The following PARD3B variants were observed in gnomAD, a reference collection of about 807,000 sequenced individuals.
PARD3B encodes partitioning defective 3 homolog B.
In PARD3B, 103 loss-of-function variants were observed where a neutral mutation model predicts 130.2. That is an observed-to-expected ratio of 0.79 (90% confidence interval 0.67 to 0.93). PARD3B has a LOEUF of 0.93. Among genes scored for constraint, PARD3B ranks in the 40% least tolerant of loss-of-function variants. The pLI, the probability that PARD3B is intolerant of heterozygous loss-of-function variation, is 0.00. For missense variants in PARD3B, 1,609 were observed against 1,499.2 expected, an observed-to-expected ratio of 1.07 and a Z score of -1.21; for synonymous variants, 583 against 553.2, an observed-to-expected ratio of 1.05 and a Z score of -0.76.
chr2:204,893,774 C>A (rs2046536824), intron 2 of PARD3B, among the ~76,000 whole-genome samples: 1 of 152,074 alleles, frequency 6.6e-6, no homozygotes, highest in Non-Finnish European at 1.5e-5. Context: ...GTTCAACAGC[C>A]ACATGTGGCT....
At chr2:204,884,926 C>G (rs1328671702) in intron 2 of PARD3B, among the ~76,000 whole-genome samples, 2 of 152,134 alleles carry the variant, frequency 1.3e-5, no homozygotes, top group Non-Finnish European at 1.5e-5. Context: ...TTGAATGGTG[C>G]TGCAATAAGC....
chr2:204,999,921 A>G (rs1475700735), intron 3 of PARD3B, among the ~76,000 whole-genome samples: 2 of 152,030 alleles, frequency 1.3e-5, no homozygotes, highest in Non-Finnish European at 2.9e-5. Context: ...AAAATGATCT[A>G]TTTACTTATA....
At chr2:205,202,884 A>T (rs775336186) in intron 15 of PARD3B, among the ~76,000 whole-genome samples, 9 of 152,198 alleles carry the variant, frequency 5.9e-5, no homozygotes, top group Non-Finnish European at 1.0e-4. Context: ...AACAGTCAAT[A>T]TAAGTAAATT....
intron 15 of PARD3B, among the ~76,000 whole-genome samples, chr2:205,217,085 C>G (rs2125861575): frequency 6.6e-6 from 1 of 152,242 alleles, no homozygotes; most frequent in South Asian, 2.1e-4. Context: ...TTCAGGAAAT[C>G]CAGTATCAGC....
intron 7 of PARD3B, among the ~76,000 whole-genome samples, chr2:205,119,630 A>G (rs2125615250): frequency 6.6e-6 from 1 of 152,126 alleles, no homozygotes; most frequent in Non-Finnish European, 1.5e-5. Flanking sequence ...GGTACGAGAA[A>G]AATTAGCCAG....
chr2:204,688,017 A>G (rs2037171206), intron 2 of PARD3B, among the ~76,000 whole-genome samples: 1 of 152,296 alleles, frequency 6.6e-6, no homozygotes, highest in East Asian at 1.9e-4. Flanking sequence ...GTTTATAACC[A>G]TAATCCACTT....
In PARD3B at chr2:204,712,616, AAAAAAAAAAAC is replaced by A. The variant is rs1371259969; in HGVS notation, c.222+26345_222+26355del. On this transcript the variant is annotated intron_variant, in intron 2 of 22. Coordinates refer to ENST00000406610, the MANE Select transcript of PARD3B (RefSeq NM_001302769.2). ...GTGACAGAGCAAGACCCCATCTCAA[AAAAAAAAAAAC>A]AAAAAAAAAAGTGAACAACAAAAAA... Among the ~76,000 whole-genome samples the A allele has an allele frequency of 3.3e-5, 5 of 150,306 alleles. No homozygotes were observed. In the South Asian group the frequency reaches 1.0e-3, roughly 31 times the overall value.
chr2:204,781,445 G>A lies in PARD3B; in HGVS notation c.222+95163G>A, dbSNP rs918927173. ...ATCATTTTGTCTTTATACTGCATAA[G>A]CTTAATTCATAAAGCTAGTCTGTTT... On this transcript the variant is annotated intron_variant, in intron 2 of 22. Coordinates refer to ENST00000406610, the MANE Select transcript of PARD3B (RefSeq NM_001302769.2). Among the ~76,000 whole-genome samples, 3 of 151,998 alleles carry A rather than the reference G, an allele frequency of 2.0e-5. No homozygotes were observed. In the East Asian group the frequency reaches 5.8e-4, roughly 29 times the overall value.
At chr2:204,766,555 A>T (rs939257095) in intron 2 of PARD3B, among the ~76,000 whole-genome samples, 2 of 152,092 alleles carry the variant, frequency 1.3e-5, no homozygotes, top group Non-Finnish European at 2.9e-5. Context: ...GCTATACCTT[A>T]TTTCATATTA....
intron 1 of PARD3B, among the ~76,000 whole-genome samples, chr2:204,684,515 A>AG (rs2036987141): frequency 6.6e-6 from 1 of 152,206 alleles, no homozygotes; most frequent in South Asian, 2.1e-4. Context: ...CATAACAAAA[A>AG]AGATTTAATT....
At chr2:205,247,254 A>T (rs943864863) in intron 16 of PARD3B, among the ~76,000 whole-genome samples, 6 of 152,180 alleles carry the variant, frequency 3.9e-5, no homozygotes, top group African/African-American at 1.4e-4. Flanking sequence ...TTCCAAGCAC[A>T]CTACTATTAG....
At chr2:204,638,568 G>A (rs2034966495) in intron 1 of PARD3B, among the ~76,000 whole-genome samples, 1 of 152,054 alleles carries the variant, frequency 6.6e-6, no homozygotes, top group Admixed American at 6.6e-5. Context: ...TCAGTCATTC[G>A]AGACTATAGT....
At chr2:204,563,453 A>G (rs534164063) in intron 1 of PARD3B, among the ~76,000 whole-genome samples, 316 of 152,244 alleles carry the variant, frequency 2.1e-3, no homozygotes, top group African/African-American at 7.3e-3. Context: ...TCAACCCATA[A>G]TAATGGCAAT....
chr2:205,154,509 C>G (rs1301858553), intron 10 of PARD3B, among the ~76,000 whole-genome samples: 1 of 152,128 alleles, frequency 6.6e-6, no homozygotes, highest in Non-Finnish European at 1.5e-5. Flanking sequence ...GGATCTAGAA[C>G]TAGAAATACT....
At chr2:205,256,951 G>C (rs1180639829) in intron 16 of PARD3B, among the ~76,000 whole-genome samples, 2 of 152,116 alleles carry the variant, frequency 1.3e-5, no homozygotes, top group Non-Finnish European at 2.9e-5. Flanking sequence ...ATCATAATTA[G>C]GGAATATTAA....
At chr2:205,271,330 T>C (rs1190584938) in intron 16 of PARD3B, among the ~76,000 whole-genome samples, 1 of 152,230 alleles carries the variant, frequency 6.6e-6, no homozygotes. Flanking sequence ...CACAGTGTCA[T>C]GCATTTGCTA....
At chr2:205,348,308 A>G (rs1272529823) in intron 18 of PARD3B, 2 of 152,244 alleles carry the variant, frequency 1.3e-5, no homozygotes, top group South Asian at 2.1e-4. Context: ...CTGAACAACA[A>G]TTAGAGATGA....
At chr2:204,773,519 A>G (rs981631350) in intron 2 of PARD3B, among the ~76,000 whole-genome samples, 23 of 152,146 alleles carry the variant, frequency 1.5e-4, no homozygotes, top group Admixed American at 1.4e-3. Flanking sequence ...CACATCTTTT[A>G]CAAAACTCAA....
chr2:204,705,057 C>T (rs1414254398), intron 2 of PARD3B, among the ~76,000 whole-genome samples: 2 of 152,152 alleles, frequency 1.3e-5, no homozygotes, highest in African/African-American at 4.8e-5. Flanking sequence ...AAAAACTGCT[C>T]AGTGCTTGCA....
Sources: gnomAD v4.1 joint callset for allele counts (sites outside exome capture counted in the v4.1 genomes callset) on GRCh38, gnomAD v4.1.1 for gene constraint, MANE v1.5 for transcripts, NCBI Gene and HGNC (gene_info 2026-07-23, HGNC 2026-07-21) for gene names.